The following PRKCH variants were observed in gnomAD, a reference collection of about 807,000 sequenced individuals.
PRKCH encodes the protein protein kinase C eta.
A neutral mutation model predicts 82.5 loss-of-function variants in PRKCH; 28 were observed. The ratio of observed to expected loss-of-function variants is 0.34; its 90% CI spans 0.25 to 0.47. The LOEUF (loss-of-function observed/expected upper bound fraction) is 0.47. Ranked by LOEUF, PRKCH falls within the 20% of genes least tolerant of loss-of-function variation. The pLI is 1.00. For missense variants in PRKCH, 705 were observed against 881.8 expected, an observed-to-expected ratio of 0.80 and a Z score of 2.54; for synonymous variants, 322 against 327.4, an observed-to-expected ratio of 0.98 and a Z score of 0.18.
At chr14:61,195,554 A>T (rs945674827) in intron 1 of PRKCH, among the ~76,000 whole-genome samples, 1 of 152,268 alleles carries the variant, frequency 6.6e-6, no homozygotes, top group Non-Finnish European at 1.5e-5. Context: ...GTAAATGGTT[A>T]CATTAAATGT....
At chr14:61,288,786 T>G (rs1342777205) in intron 1 of PRKCH, among the ~76,000 whole-genome samples, 1 of 152,190 alleles carries the variant, frequency 6.6e-6, no homozygotes, top group African/African-American at 2.4e-5. Flanking sequence ...TTCAGCTTAT[T>G]TCATCTAGCA....
chr14:61,206,936 G>A (rs747841951), intron 1 of PRKCH, among the ~76,000 whole-genome samples: 8 of 151,554 alleles, frequency 5.3e-5, no homozygotes, highest in East Asian at 1.9e-4. Flanking sequence ...AAGAAACCCC[G>A]TCTCTACTAA....
chr14:61,206,387 TTC>T (rs567958001), intron 1 of PRKCH, among the ~76,000 whole-genome samples: 65 of 152,324 alleles, frequency 4.3e-4, no homozygotes, highest in Non-Finnish European at 8.4e-4. Context: ...CATTGCCTTT[TTC>T]TCTGTGTGCC....
At chr14:61,396,504 A>T (rs1472648507) in intron 2 of PRKCH, among the ~76,000 whole-genome samples, 1 of 152,180 alleles carries the variant, frequency 6.6e-6, no homozygotes, top group Admixed American at 6.5e-5. Flanking sequence ...AGGAGCTCAT[A>T]GGAGGGAAGG....
At chr14:61,543,138 C>A (rs1199696915) in intron 12 of PRKCH, among the ~76,000 whole-genome samples, 1 of 152,220 alleles carries the variant, frequency 6.6e-6, no homozygotes, top group Non-Finnish European at 1.5e-5. Flanking sequence ...TTAGTTCTTT[C>A]AGCCTTCCCT....
intron 10 of PRKCH, among the ~76,000 whole-genome samples, chr14:61,510,994 G>A (rs1031228497): frequency 6.6e-6 from 1 of 152,132 alleles, no homozygotes; most frequent in Non-Finnish European, 1.5e-5. Context: ...GGGTGGAGGA[G>A]GAGGAGCCTC....
chr14:61,198,991 G>A (rs1238406275), intron 1 of PRKCH, among the ~76,000 whole-genome samples: 2 of 152,096 alleles, frequency 1.3e-5, no homozygotes, highest in South Asian at 2.1e-4. Context: ...CTGAGGGATG[G>A]GGGAAGACGC....
intron 1 of PRKCH, among the ~76,000 whole-genome samples, chr14:61,354,170 A>G (rs898178051): frequency 1.3e-5 from 2 of 152,194 alleles, no homozygotes; most frequent in Admixed American, 1.3e-4. Flanking sequence ...AATTTCATAT[A>G]TGGAATATAG....
intron 2 of PRKCH, among the ~76,000 whole-genome samples, chr14:61,434,465 A>G (rs1379825875): frequency 6.6e-6 from 1 of 152,244 alleles, no homozygotes; most frequent in African/African-American, 2.4e-5. Flanking sequence ...AAAACACCAA[A>G]AAGGAAGAAA....
chr14:61,501,924 G>A (rs1886926558), intron 10 of PRKCH, among the ~76,000 whole-genome samples: 2 of 151,998 alleles, frequency 1.3e-5, no homozygotes, highest in South Asian at 2.1e-4. Flanking sequence ...GCATTTGAAT[G>A]TCTCCTGTTG....
At chr14:61,260,382 A>G (rs2045035403) in intron 1 of PRKCH, among the ~76,000 whole-genome samples, 1 of 152,228 alleles carries the variant, frequency 6.6e-6, no homozygotes, top group Non-Finnish European at 1.5e-5. Flanking sequence ...GTGAAACTGA[A>G]TAAATTCTAG....
chr14:61,288,524 A>T (rs761028878), intron 1 of PRKCH, among the ~76,000 whole-genome samples: 1 of 152,154 alleles, frequency 6.6e-6, no homozygotes, highest in Non-Finnish European at 1.5e-5. Flanking sequence ...CAATCTGGAG[A>T]TCGTATACCC....
intron 2 of PRKCH, among the ~76,000 whole-genome samples, chr14:61,395,270 T>C (rs898257832): frequency 1.5e-5 from 2 of 135,730 alleles, no homozygotes; most frequent in African/African-American, 2.8e-5. Flanking sequence ...CCTGTCTGTG[T>C]TAAGTAAGAA....
intron 1 of PRKCH, among the ~76,000 whole-genome samples, chr14:61,325,635 A>G (rs60936765): frequency 0.022 from 3,303 of 152,296 alleles, 92 homozygotes; most frequent in African/African-American, 0.062. Context: ...ATGAAAAACT[A>G]TTGCTTCCCA....
chr14:61,468,529 A>C (rs562749175), intron 9 of PRKCH, among the ~76,000 whole-genome samples: 1 of 152,308 alleles, frequency 6.6e-6, no homozygotes, highest in Admixed American at 6.5e-5. Context: ...TCCGGCTACC[A>C]GGCTTTCTGA....
intron 1 of PRKCH, among the ~76,000 whole-genome samples, chr14:61,350,646 A>G (rs1190977397): frequency 6.6e-6 from 1 of 152,072 alleles, no homozygotes; most frequent in African/African-American, 2.4e-5. Context: ...AGGGGTCATA[A>G]CACTTTTTTG....
intron 10 of PRKCH, among the ~76,000 whole-genome samples, chr14:61,488,443 C>T (rs1351659536): frequency 6.6e-6 from 1 of 152,168 alleles, no homozygotes; most frequent in Non-Finnish European, 1.5e-5. Context: ...CACACTGTTC[C>T]GATGAATAAT....
At chr14:61,536,855 T>G (rs2043116586) in intron 12 of PRKCH, among the ~76,000 whole-genome samples, 1 of 152,130 alleles carries the variant, frequency 6.6e-6, no homozygotes, top group Non-Finnish European at 1.5e-5. Flanking sequence ...CCTTTACCAC[T>G]GCCCTCTCCA....
intron 1 of PRKCH, among the ~76,000 whole-genome samples, chr14:61,296,766 T>C (rs2045409513): frequency 6.6e-6 from 1 of 152,244 alleles, no homozygotes; most frequent in Admixed American, 6.5e-5. Flanking sequence ...AATGATTTTG[T>C]TTCTGTGGGA....
Sources: allele counts gnomAD v4.1 joint callset (sites outside exome capture counted in the v4.1 genomes callset), GRCh38; gene constraint gnomAD v4.1.1; transcripts MANE v1.5; gene names NCBI Gene and HGNC (gene_info 2026-07-23, HGNC 2026-07-21).